MNAT1: variants seen among roughly 807,000 people sequenced by gnomAD.
The protein encoded by MNAT1 is MNAT1 component of CDK activating kinase.
A neutral mutation model predicts 42.0 loss-of-function variants in MNAT1; 43 were observed. The ratio of observed to expected loss-of-function variants is 1.02; its 90% CI spans 0.80 to 1.32. The LOEUF is 1.32. MNAT1 is among the 40% of genes most tolerant of loss of function. The probability of loss-of-function intolerance (pLI) is 0.00; values close to 1 mark genes in which losing one functional copy is unlikely to be tolerated. For missense variants in MNAT1, 306 were observed against 350.4 expected, an observed-to-expected ratio of 0.87 and a Z score of 1.01; for synonymous variants, 118 against 120.0, an observed-to-expected ratio of 0.98 and a Z score of 0.11.
At chr14:60,737,067 A>G (rs1896328112) in intron 1 of MNAT1, among the ~76,000 whole-genome samples, 1 of 152,160 alleles carries the variant, frequency 6.6e-6, no homozygotes, top group Admixed American at 6.5e-5. Flanking sequence ...ACTCTTTAGC[A>G]TGTTGTCTAA....
chr14:60,953,591 ACATAATTGAATGTAC>A (rs1480232614), intron 7 of MNAT1, among the ~76,000 whole-genome samples: 1 of 152,186 alleles, frequency 6.6e-6, no homozygotes, highest in Non-Finnish European at 1.5e-5. Flanking sequence ...GAACACTTAC[ACATAATTGAATGTAC>A]CAGATGCTTT....
At chr14:60,753,767 C>T (rs1247401597) in intron 1 of MNAT1, 1 of 152,206 alleles carries the variant, frequency 6.6e-6, no homozygotes, top group Non-Finnish European at 1.5e-5. Flanking sequence ...ATATTTATCA[C>T]TGGAATACCT....
At chr14:60,934,135 G>C (rs888085195) in intron 7 of MNAT1, among the ~76,000 whole-genome samples, 8 of 152,138 alleles carry the variant, frequency 5.3e-5, no homozygotes, top group African/African-American at 1.9e-4. Context: ...CAATTCATTC[G>C]TAGAGATGCT....
At chr14:60,767,424 G>C (rs2030871934) in intron 1 of MNAT1, among the ~76,000 whole-genome samples, 1 of 152,050 alleles carries the variant, frequency 6.6e-6, no homozygotes, top group African/African-American at 2.4e-5. Flanking sequence ...TACACTTGTG[G>C]GGAGAATTGA....
intron 1 of MNAT1, among the ~76,000 whole-genome samples, chr14:60,753,184 A>G (rs2030174819): frequency 6.6e-6 from 1 of 152,212 alleles, no homozygotes; most frequent in South Asian, 2.1e-4. Context: ...TGAGCTGGGT[A>G]GTTTTGGCTC....
chr14:60,830,534 A>C (rs375778336), intron 6 of MNAT1, among the ~76,000 whole-genome samples: 1 of 152,188 alleles, frequency 6.6e-6, no homozygotes, highest in Non-Finnish European at 1.5e-5. Flanking sequence ...TGGGAATCTT[A>C]TAAGGCTCCA....
At chr14:60,896,675 C>T (rs760811978) in intron 7 of MNAT1, among the ~76,000 whole-genome samples, 4 of 151,972 alleles carry the variant, frequency 2.6e-5, no homozygotes, top group South Asian at 2.1e-4. Context: ...TTAGTAGAGA[C>T]GGGGTTTCAC....
chr14:60,840,866 T>C (rs908683246), intron 6 of MNAT1, among the ~76,000 whole-genome samples: 6 of 152,126 alleles, frequency 3.9e-5, no homozygotes, highest in African/African-American at 1.2e-4. Flanking sequence ...GATTTCACTG[T>C]ATTAGCCAGG....
intron 7 of MNAT1, among the ~76,000 whole-genome samples, chr14:60,897,103 C>T (rs1430183446): frequency 6.6e-6 from 1 of 152,030 alleles, no homozygotes; most frequent in Non-Finnish European, 1.5e-5. Flanking sequence ...GTTCATATCA[C>T]ATTTTAATGA....
rs997738226 is a variant in MNAT1 at position 60,743,838 on chromosome 14, T to G, written c.89+8887T>G. On this transcript the variant is annotated intron_variant, in intron 1 of 7. Transcript: ENST00000261245. ...ATTATATATTTTCTATTGATCTATC[T>G]TCAGGTTCACTGTTGCCTGTCTGCC... Among the ~76,000 whole-genome samples the G allele has an allele frequency of 5.9e-5, 9 of 152,206 alleles. No individual in the cohort carries two copies. In the South Asian group the frequency reaches 1.4e-3, roughly 24 times the overall value.
intron 6 of MNAT1, among the ~76,000 whole-genome samples, chr14:60,859,660 CA>C (rs1428571396): frequency 6.6e-6 from 1 of 152,126 alleles, no homozygotes; most frequent in Non-Finnish European, 1.5e-5. Flanking sequence ...AAAAGTTTCA[CA>C]ATTTTTTTTA....
intron 6 of MNAT1, among the ~76,000 whole-genome samples, chr14:60,854,302 C>T (rs1463008099): frequency 6.6e-6 from 1 of 152,162 alleles, no homozygotes; most frequent in Admixed American, 6.5e-5. Flanking sequence ...CTACTTCTGT[C>T]AGTTCATCAA....
At chr14:60,788,580 A>T (rs1000874131) in intron 1 of MNAT1, among the ~76,000 whole-genome samples, 5 of 152,226 alleles carry the variant, frequency 3.3e-5, no homozygotes, top group Admixed American at 6.5e-5. Flanking sequence ...TTTCATCTGC[A>T]TTGAAAAGTC....
chr14:60,808,222 A>T, intron 3 of MNAT1, 103 bp from the exon 4 acceptor site: 1 of 659,606 alleles, frequency 1.5e-6, no homozygotes, highest in Non-Finnish European at 2.5e-6. Flanking sequence ...GCTATAAAGA[A>T]TGACAACCTA....
chr14:60,915,513 C>G (rs1268409667), intron 7 of MNAT1, among the ~76,000 whole-genome samples: 1 of 152,144 alleles, frequency 6.6e-6, no homozygotes, highest in African/African-American at 2.4e-5. Context: ...ACCTTGTTCA[C>G]CTCATCAAAC....
chr14:60,891,039 T>C (rs530907645), intron 7 of MNAT1, among the ~76,000 whole-genome samples: 1 of 152,328 alleles, frequency 6.6e-6, no homozygotes, highest in East Asian at 1.9e-4. Context: ...AGTTCTTCTT[T>C]AAATGTTTCA....
chr14:60,793,804 T>C (rs1204347087), intron 1 of MNAT1, among the ~76,000 whole-genome samples: 2 of 152,096 alleles, frequency 1.3e-5, no homozygotes, highest in Non-Finnish European at 2.9e-5. Flanking sequence ...CACAATGAAG[T>C]AGAACTTTGA....
At chr14:60,806,987 T>G (rs1286859880) in intron 3 of MNAT1, among the ~76,000 whole-genome samples, 1 of 152,192 alleles carries the variant, frequency 6.6e-6, no homozygotes, top group Non-Finnish European at 1.5e-5. Context: ...CTAGCCAGAT[T>G]CCCTGACTTA....
chr14:60,774,777 C>G (rs559981952), intron 1 of MNAT1, among the ~76,000 whole-genome samples: 1 of 152,224 alleles, frequency 6.6e-6, no homozygotes, highest in South Asian at 2.1e-4. Flanking sequence ...AAGGAAGCCT[C>G]CTAGGTTTTT....
Sources: allele counts gnomAD v4.1 joint callset (sites outside exome capture counted in the v4.1 genomes callset), GRCh38; gene constraint gnomAD v4.1.1; transcripts MANE v1.5; gene names NCBI Gene and HGNC (gene_info 2026-07-23, HGNC 2026-07-21).